MIDEAS: variants seen among roughly 807,000 people sequenced by gnomAD.
MIDEAS encodes mitotic deacetylase-associated SANT domain protein.
In MIDEAS, 26 loss-of-function variants were observed where a neutral mutation model predicts 102.7. The ratio of observed to expected loss-of-function variants is 0.25; its 90% confidence interval spans 0.19 to 0.35. MIDEAS has a LOEUF of 0.35. MIDEAS is among the 10% of genes least tolerant of loss of function. The pLI is 1.00. For synonymous variants in MIDEAS, 585 were observed against 591.0 expected (o/e 0.99, Z 0.15); for missense variants, 1,231 against 1,435.6 (o/e 0.86, Z 2.30).
chr14:73,769,595 T>TTTTGC (rs1201116507), intron 1 of MIDEAS, among the ~76,000 whole-genome samples: 1 of 151,662 alleles, frequency 6.6e-6, no homozygotes, highest in Non-Finnish European at 1.5e-5. Flanking sequence ...AGGGTTTTTG[T>TTTTGC]TTTGTTTTGT....
chr14:73,766,492 A>G (rs2140163400), intron 1 of MIDEAS, among the ~76,000 whole-genome samples: 1 of 152,176 alleles, frequency 6.6e-6, no homozygotes. Flanking sequence ...ATCAGGATGC[A>G]TCTTACAATT....
intron 1 of MIDEAS, among the ~76,000 whole-genome samples, chr14:73,781,642 T>C (rs2053758067): frequency 7.2e-6 from 1 of 138,356 alleles, no homozygotes; most frequent in Non-Finnish European, 1.5e-5. Context: ...GCCGAGGTAG[T>C]AGAATCACTT....
At chr14:73,732,018 T>C (rs2053145604) in intron 3 of MIDEAS, among the ~76,000 whole-genome samples, 1 of 152,250 alleles carries the variant, frequency 6.6e-6, no homozygotes, top group South Asian at 2.1e-4. Flanking sequence ...CTACCATTAC[T>C]TGGCTGTATG....
intron 1 of MIDEAS, among the ~76,000 whole-genome samples, chr14:73,756,295 T>C (rs74715525): frequency 0.1 from 13,008 of 127,380 alleles, 621 homozygotes; most frequent in Non-Finnish European, 0.13. Flanking sequence ...TGTGTGTGTG[T>C]GCGCGCGCGC....
Position 73,726,915 on chromosome 14 carries a change from G to A in MIDEAS, c.2220C>T (p.Ala740=). The A allele has an allele frequency of 6.2e-7, 1 of 1,613,876 alleles. No individual in the cohort carries two copies. The highest frequency in any genetic ancestry group is 8.5e-7 in the Non-Finnish European group (1 of 1,179,796). ...CCTTGTGGGGATCTGCAGCTGCCAG[G>A]GCACGGTCCCTCATCAAGGGGATTT... ...QAEIPLMRDR[A]LAAADPHKAD... is the part of the protein sequence containing the mutation. Residue 740 remains alanine (A), a synonymous_variant, in exon 6 of 13, where the codon GCC becomes GCT. Transcript: ENST00000423556.
rs1033399313 is a variant in MIDEAS, at chr14:73,759,307, G to A, written c.-248+456C>T. 2.6e-5 allele frequency among the ~76,000 whole-genome samples: 4 copies of A among 152,074 alleles called. No individual in the cohort carries two copies. Among genetic ancestry groups the A allele is most frequent in the African/African-American group, 7.2e-5 (3 of 41,444 alleles). On this transcript the variant is annotated intron_variant, in intron 1 of 12. Transcript: ENST00000423556. This position sits in a 1 kb window ranked among gnomAD's most constrained non-coding sequence, Gnocchi z 6.7. ...TGGCTAGCCCCTCGCCGCGCCTTCC[G>A]GGCCTGGGCTCCGTCACGTCAGCCG...
rs763003685 is a variant in MIDEAS, at chr14:73,726,793, G to A, written c.2305+37C>T. On this transcript the variant is annotated intron_variant, in intron 6 of 12. Coordinates refer to ENST00000423556, the MANE Select transcript of MIDEAS (RefSeq NM_001367710.1). ...AGGGTGAGGCCTGGCCCACCCATGT[G>A]CCTGCCCTCACTTGCTGCCCCCAGG... is the stretch of plus-strand genomic sequence containing the variant. 13 of 1,606,190 alleles carry A rather than the reference G, an allele frequency of 8.1e-6. No homozygotes were observed. The South Asian group carries it at 1.3e-4, about 16-fold the overall frequency.
chr14:73,762,077 G>A (rs2053559323), upstream of MIDEAS, among the ~76,000 whole-genome samples: 1 of 152,202 alleles, frequency 6.6e-6, no homozygotes, highest in African/African-American at 2.4e-5. Context: ...AAAGCCATTT[G>A]GTCTCCAGTG....
rs2052881685 is a variant in MIDEAS, at chr14:73,715,960, T to TGGTCTGA, written c.*2882_*2883insTCAGACC. The TGGTCTGA allele has an allele frequency of 6.6e-6, 1 of 152,224 alleles. No individual in the cohort carries two copies. Among genetic ancestry groups the TGGTCTGA allele is most frequent in the African/African-American group, 2.4e-5 (1 of 41,396 alleles). The allele number at this position is 152,224 out of a possible 1,614,324, so 9.4% of individuals were successfully genotyped here. A position where few individuals can be genotyped will look rare whatever the true frequency, so the allele number is the denominator to read the frequency against. Reference sequence around the variant, plus strand: ...CCTTGGATGGTGGAGACCTCAGAAATGGTCTGCAACACAGGCACTAGGTCA... The same window carrying TGGTCTGA: ...CCTTGGATGGTGGAGACCTCAGAAATGGTCTGAGGTCTGCAACACAGGCACTAGGTCA... On this transcript the variant is annotated 3_prime_UTR_variant, in exon 13 of 13. Coordinates refer to ENST00000423556, the MANE Select transcript of MIDEAS (RefSeq NM_001367710.1).
Position 73,740,000 on chromosome 14 carries a change from G to A in MIDEAS, c.9C>T (p.Leu3=), listed in dbSNP as rs755566393. 2.7e-6 allele frequency: 4 copies of A among 1,494,486 alleles called. No individual in the cohort carries two copies. The highest frequency in any genetic ancestry group is 3.6e-6 in the Non-Finnish European group (4 of 1,120,142). 92.6% of individuals were successfully genotyped at this position (1,494,486 alleles called of 1,614,324 possible). MN[L]QAQPKAQNKR... Reference sequence around the variant, plus strand: ...TGTTCTGAGCCTTGGGCTGGGCCTGGAGGTTCATGATGTGGCCAACTGAGC... The same window carrying A: ...TGTTCTGAGCCTTGGGCTGGGCCTGAAGGTTCATGATGTGGCCAACTGAGC... Residue 3 remains leucine, a synonymous_variant, in exon 2 of 13, where the codon CTC becomes CTT. Transcript: ENST00000423556.
intron 1 of MIDEAS, among the ~76,000 whole-genome samples, chr14:73,773,038 A>G (rs1046227633): frequency 7.9e-5 from 12 of 151,986 alleles, no homozygotes; most frequent in Non-Finnish European, 7.4e-5. Context: ...GGGTTTCTCC[A>G]TGTTGGCCAG....
At chr14:73,722,991 T>C (rs1317555237) in intron 9 of MIDEAS, 144 bp from the exon 10 acceptor site, 1 of 809,962 alleles carries the variant, frequency 1.2e-6, no homozygotes, top group Non-Finnish European at 2.0e-6. Context: ...CAAGCATTTT[T>C]CCAATGCCTG....
upstream of MIDEAS, among the ~76,000 whole-genome samples, chr14:73,762,645 G>A (rs2053563418): frequency 6.6e-6 from 1 of 152,168 alleles, no homozygotes; most frequent in Non-Finnish European, 1.5e-5. Context: ...CAGATATGAC[G>A]GTGCAGAATC....
In MIDEAS at chr14:73,742,609, C is replaced by T. The variant is rs1367689346; in HGVS notation, c.-247-2354G>A. On this transcript the variant is annotated intron_variant, in intron 1 of 12. Transcript: ENST00000423556. The surrounding 1 kb of genome is among the most constrained non-coding windows in gnomAD (Gnocchi z 4.4). ...AGGAGGGCCATCATTCAGGATACCACAGCAGCCTCTGAAGCTCAGACAGGG... is the reference window on the plus strand; with the variant it reads ...AGGAGGGCCATCATTCAGGATACCATAGCAGCCTCTGAAGCTCAGACAGGG... Among the ~76,000 whole-genome samples the T allele has an allele frequency of 6.6e-6, 1 of 152,230 alleles. No homozygotes were observed. The highest frequency in any genetic ancestry group is 1.5e-5 in the Non-Finnish European group (1 of 68,040).
chr14:73,741,498 C>T (rs570021592), intron 1 of MIDEAS, among the ~76,000 whole-genome samples: 18 of 152,234 alleles, frequency 1.2e-4, no homozygotes, highest in African/African-American at 4.3e-4. Flanking sequence ...CTAGATGCTA[C>T]AGGTCATTGT....
rs2053110933 is a variant in MIDEAS, at chr14:73,729,653, C to T, written c.2082G>A (p.Thr694=). The T allele has an allele frequency of 3.7e-6, 6 of 1,608,626 alleles. No homozygotes were observed. The East Asian group carries it at 6.7e-5, about 18-fold the overall frequency. Residue 694 remains threonine (T), a synonymous_variant, in exon 4 of 13, where the codon ACG becomes ACA. Transcript: ENST00000423556. ...PPITPKSAHR[T]LLRTNSAEVT... ...GAGGTCACTCACTAGTCCGGAGCAGCGTGCGATGGGCACTCTTAGGCGTGA... is the reference window on the plus strand; with the variant it reads ...GAGGTCACTCACTAGTCCGGAGCAGTGTGCGATGGGCACTCTTAGGCGTGA...
chr14:73,787,182 T>G (rs1423125374), exon 1 of MIDEAS: 1 of 149,142 alleles, frequency 6.7e-6, no homozygotes, highest in African/African-American at 2.4e-5. Context: ...TTTGTTGCTC[T>G]CGGGACGGCG....
chr14:73,727,134 T>C (rs1447927895), intron 5 of MIDEAS, 162 bp from the exon 6 acceptor site: 7 of 886,018 alleles, frequency 7.9e-6, no homozygotes, highest in Non-Finnish European at 1.2e-5. Context: ...CAGCCTGACC[T>C]GGCACCACCA....
At position 73,727,512 on chromosome 14, in the gene MIDEAS, A is replaced by C; in HGVS notation, c.2108T>G (p.Val703Gly). 1.2e-6 allele frequency: 2 copies of C among 1,611,878 alleles called. No homozygotes were observed. Among genetic ancestry groups the C allele is most frequent in the South Asian group, 2.2e-5 (2 of 90,794 alleles). ...CATCACAGAGAGGACAGGCGGGGTT[A>C]CTTCAGCACTGTCTATGGGACAAAG... ...RTLLRTNSAE[V>G]TPPVLSVMGE... is the part of the protein sequence containing the mutation. The change falls in exon 5 of 13, where the codon GTA becomes GGA. Residue 703 changes from valine (V) to glycine (G), a missense_variant. Physicochemically the swap from Val to Gly is moderately radical, Grantham distance 109 (BLOSUM62 -3). Coordinates refer to ENST00000423556, the MANE Select transcript of MIDEAS (RefSeq NM_001367710.1).
Sources: allele counts gnomAD v4.1 joint callset (sites outside exome capture counted in the v4.1 genomes callset), GRCh38; gene constraint gnomAD v4.1.1; non-coding constraint Gnocchi (gnomAD v3.1); transcripts MANE v1.5; gene names NCBI Gene and HGNC (gene_info 2026-07-23, HGNC 2026-07-21).